Variants in TUSC3 observed in about 807,000 individuals in gnomAD.
The protein encoded by TUSC3 is tumor suppressor candidate 3, also known as dolichyl-diphosphooligosaccharide--protein glycosyltransferase subunit TUSC3.
Under a neutral mutation model 44.8 loss-of-function variants are expected in TUSC3, and 45 were observed. The ratio of observed to expected loss-of-function variants is 1.00; its 90% CI spans 0.79 to 1.29. TUSC3 has a LOEUF of 1.29. Ranked by LOEUF, TUSC3 falls within the 50% of genes most tolerant of loss-of-function variation. TUSC3 has a pLI of 0.00. For synonymous variants in TUSC3, 212 were observed against 152.9 expected, an observed-to-expected ratio of 1.39 and a Z score of -2.85; for missense variants, 519 against 437.9, an observed-to-expected ratio of 1.19 and a Z score of -1.65.
intron 1 of TUSC3, among the ~76,000 whole-genome samples, chr8:15,615,828 G>A (rs974000962): frequency 6.6e-6 from 1 of 152,124 alleles, no homozygotes; most frequent in African/African-American, 2.4e-5. Context: ...AAACCCATAA[G>A]TACTGAAATG....
chr8:15,787,012 G>A, the TUSC3 span, among the ~76,000 whole-genome samples: 4 of 149,050 alleles, frequency 2.7e-5, no homozygotes, highest in African/African-American at 9.9e-5. Flanking sequence ...GGGAAGTCAT[G>A]AACTTAATGA....
At chr8:15,748,589 A>G (rs773011398) in intron 9 of TUSC3, 124 bp downstream of exon 9, 14 of 918,854 alleles carry the variant, frequency 1.5e-5, no homozygotes, top group Admixed American at 3.4e-5. Flanking sequence ...TCAGTTAAGC[A>G]AGTTTTTGAG....
the TUSC3 span, among the ~76,000 whole-genome samples, chr8:15,833,941 T>G: frequency 6.6e-6 from 1 of 152,172 alleles, no homozygotes; most frequent in Non-Finnish European, 1.5e-5. Context: ...AGTTCATTTT[T>G]TCCACTGTAG....
intron 1 of TUSC3, among the ~76,000 whole-genome samples, chr8:15,449,245 C>G (rs1800161234): frequency 6.6e-6 from 1 of 152,102 alleles, no homozygotes; most frequent in African/African-American, 2.4e-5. Context: ...TAGGAGGAAT[C>G]ATGAATATTT....
chr8:15,685,752 G>C (rs1808602025), intron 6 of TUSC3, among the ~76,000 whole-genome samples: 1 of 151,958 alleles, frequency 6.6e-6, no homozygotes, highest in South Asian at 2.1e-4. Flanking sequence ...CTGAAATTCT[G>C]ATTCTATCTT....
At chr8:15,790,334 T>G in the TUSC3 span, among the ~76,000 whole-genome samples, 2 of 151,878 alleles carry the variant, frequency 1.3e-5, no homozygotes, top group South Asian at 4.1e-4. Context: ...TACAGGCACA[T>G]GCCACCACTC....
intron 6 of TUSC3, among the ~76,000 whole-genome samples, chr8:15,685,690 G>A (rs1352209748): frequency 1.3e-5 from 2 of 152,014 alleles, no homozygotes; most frequent in South Asian, 2.1e-4. Flanking sequence ...TTAGAATGGC[G>A]CATAGTTTGT....
At chr8:15,571,880 A>G (rs1239993889) in intron 1 of TUSC3, among the ~76,000 whole-genome samples, 2 of 152,072 alleles carry the variant, frequency 1.3e-5, no homozygotes, top group South Asian at 2.1e-4. Context: ...TTTTCTGAGC[A>G]GTAGGTCTTA....
intron 2 of TUSC3, among the ~76,000 whole-genome samples, chr8:15,644,305 T>C (rs1433612440): frequency 6.6e-6 from 1 of 152,222 alleles, no homozygotes; most frequent in Non-Finnish European, 1.5e-5. Context: ...TCAGGCTGCA[T>C]AAGTATATAT....
At chr8:15,630,851 C>T (rs1296379108) in intron 2 of TUSC3, among the ~76,000 whole-genome samples, 1 of 152,214 alleles carries the variant, frequency 6.6e-6, no homozygotes, top group South Asian at 2.1e-4. Context: ...GAGCCTATCA[C>T]CCTTTTGTTT....
intron 6 of TUSC3, among the ~76,000 whole-genome samples, chr8:15,709,234 G>T (rs1434141660): frequency 6.6e-6 from 1 of 151,774 alleles, no homozygotes; most frequent in Non-Finnish European, 1.5e-5. Flanking sequence ...ATTAGTTACT[G>T]TTGGAAAAAA....
intron 1 of TUSC3, among the ~76,000 whole-genome samples, chr8:15,565,498 C>G (rs1040058605): frequency 6.6e-6 from 1 of 152,132 alleles, no homozygotes; most frequent in African/African-American, 2.4e-5. Context: ...TTAGCTGTTG[C>G]AGACCAAGAT....
chr8:15,645,516 C>G (rs1324243700), intron 2 of TUSC3, among the ~76,000 whole-genome samples: 2 of 152,042 alleles, frequency 1.3e-5, no homozygotes, highest in African/African-American at 4.8e-5. Context: ...AGTCTACATT[C>G]CTCTTTAAAA....
intron 1 of TUSC3, among the ~76,000 whole-genome samples, chr8:15,578,722 T>G (rs1024719698): frequency 2.6e-5 from 4 of 152,076 alleles, no homozygotes; most frequent in Non-Finnish European, 5.9e-5. Context: ...TTTGCCAGTA[T>G]TTTATTGAGG....
chr8:15,767,006 TAGTAAAACA>T, downstream of TUSC3, among the ~76,000 whole-genome samples: 1 of 152,106 alleles, frequency 6.6e-6, no homozygotes, highest in Non-Finnish European at 1.5e-5. Context: ...AAGTTTAAAA[TAGTAAAACA>T]AGGTCTTCTT....
At chr8:15,713,620 T>G (rs2129200809) in intron 6 of TUSC3, among the ~76,000 whole-genome samples, 1 of 152,174 alleles carries the variant, frequency 6.6e-6, no homozygotes, top group African/African-American at 2.4e-5. Context: ...GAGTTTGAGG[T>G]CTTTCCTCTT....
At chr8:15,806,864 G>A in the TUSC3 span, 11 of 1,108,580 alleles carry the variant, frequency 9.9e-6, no homozygotes, top group East Asian at 2.1e-4. Flanking sequence ...CATAGTTAAT[G>A]AAATAATTAT....
intron 1 of TUSC3, among the ~76,000 whole-genome samples, chr8:15,586,318 G>C (rs73540536): frequency 6.6e-6 from 1 of 152,280 alleles, no homozygotes; most frequent in African/African-American, 2.4e-5. Flanking sequence ...AAACACCGTT[G>C]TAGTGGGGTG....
chr8:15,717,960 T>C (rs1164985323), intron 6 of TUSC3, among the ~76,000 whole-genome samples: 1 of 152,096 alleles, frequency 6.6e-6, no homozygotes, highest in Non-Finnish European at 1.5e-5. Flanking sequence ...GTATATATAC[T>C]ATGTTTCCTT....
Sources: gnomAD v4.1 joint callset for allele counts (sites outside exome capture counted in the v4.1 genomes callset) on GRCh38, gnomAD v4.1.1 for gene constraint, MANE v1.5 for transcripts, NCBI Gene and HGNC (gene_info 2026-07-23, HGNC 2026-07-21) for gene names.